The following DOCK5 variants were observed in gnomAD, a reference collection of about 807,000 sequenced individuals.
The protein encoded by DOCK5 is dedicator of cytokinesis 5, also known as dedicator of cytokinesis protein 5.
In DOCK5, 142 loss-of-function variants were observed where a neutral mutation model predicts 251.8. The ratio of observed to expected loss-of-function variants is 0.56; its 90% confidence interval spans 0.49 to 0.65. DOCK5 has a LOEUF of 0.65. Ranked by LOEUF, DOCK5 falls within the 30% of genes least tolerant of loss-of-function variation. The probability of loss-of-function intolerance (pLI) is 0.00; values close to 1 mark genes in which losing one functional copy is unlikely to be tolerated. For missense variants in DOCK5, 2,111 were observed against 2,312.3 expected, an observed-to-expected ratio of 0.91 and a Z score of 1.79; for synonymous variants, 842 against 835.5, an observed-to-expected ratio of 1.01 and a Z score of -0.13.
chr8:25,216,148 A>G (rs1230217694), intron 1 of DOCK5, among the ~76,000 whole-genome samples: 1 of 150,770 alleles, frequency 6.6e-6, no homozygotes, highest in African/African-American at 2.4e-5. Context: ...ATACGTGTAT[A>G]CAATATGTAT....
chr8:25,336,996 T>G (rs1242369360), intron 22 of DOCK5, among the ~76,000 whole-genome samples: 3 of 152,316 alleles, frequency 2.0e-5, no homozygotes, highest in African/African-American at 7.2e-5. Flanking sequence ...GCATATGTAT[T>G]TTTAAAAGAA....
rs536608191 is a variant in DOCK5, at chr8:25,313,398, A to G, written c.1318+2866A>G. 3.3e-5 allele frequency among the ~76,000 whole-genome samples: 5 copies of G among 152,260 alleles called. No homozygotes were observed. The South Asian group carries it at 1.0e-3, about 32-fold the overall frequency. ...CGATCAACTCTGACCTCTCAGCAGC[A>G]TCTGACATTGTTGAAATATTTCCTT... is the stretch of plus-strand genomic sequence containing the variant. On this transcript the variant is annotated intron_variant, in intron 13 of 51. Transcript: ENST00000276440.
At chr8:25,347,028 C>T (rs1800383696) in intron 26 of DOCK5, among the ~76,000 whole-genome samples, 1 of 152,176 alleles carries the variant, frequency 6.6e-6, no homozygotes, top group Non-Finnish European at 1.5e-5. Context: ...GGTTTCATGG[C>T]ACAGGTGTTC....
rs534642232 is a variant in DOCK5 at position 25,251,132 on chromosome 8, C to T, written c.127+7375C>T. 2.6e-5 allele frequency among the ~76,000 whole-genome samples: 4 copies of T among 152,262 alleles called. No homozygotes were observed. The East Asian group carries it at 7.7e-4, about 29-fold the overall frequency. On this transcript the variant is annotated intron_variant, in intron 2 of 51. Transcript: ENST00000276440. ...CTGGTTTCCTGTGTTTAATTCATAT[C>T]CATCGATTAACTCTTTTTCTGCTCC...
At chr8:25,286,740 T>C (rs1482387239) in intron 5 of DOCK5, among the ~76,000 whole-genome samples, 1 of 152,108 alleles carries the variant, frequency 6.6e-6, no homozygotes, top group Non-Finnish European at 1.5e-5. Flanking sequence ...CACAGTTCAC[T>C]GGTGCCTCAA....
At chr8:25,336,844 A>G (rs1411751319) in intron 22 of DOCK5, among the ~76,000 whole-genome samples, 1 of 152,226 alleles carries the variant, frequency 6.6e-6, no homozygotes, top group East Asian at 1.9e-4. Flanking sequence ...TTCCATCAAA[A>G]ACAGAAGAAA....
intron 40 of DOCK5, among the ~76,000 whole-genome samples, chr8:25,383,328 C>T (rs1295091238): frequency 1.3e-5 from 2 of 152,172 alleles, no homozygotes; most frequent in Non-Finnish European, 2.9e-5. Flanking sequence ...TATCCATCTG[C>T]TTTCTCCTAA....
chr8:25,395,515 T>C, intron 44 of DOCK5, 28 bp from the exon 45 acceptor site: 1 of 1,590,990 alleles, frequency 6.3e-7, no homozygotes, highest in South Asian at 1.2e-5. Flanking sequence ...ACAAGTGTCC[T>C]CTTTCTCCCA....
intron 27 of DOCK5, among the ~76,000 whole-genome samples, chr8:25,358,065 A>G (rs913826287): frequency 7.2e-5 from 11 of 152,182 alleles, no homozygotes; most frequent in Non-Finnish European, 1.5e-4. Context: ...CAACTGGCTG[A>G]AGGGCTCTGG....
chr8:25,290,258 GGAA>G (rs1804452810), intron 5 of DOCK5, among the ~76,000 whole-genome samples: 1 of 152,038 alleles, frequency 6.6e-6, no homozygotes, highest in Non-Finnish European at 1.5e-5. Context: ...AGGCCACATT[GGAA>G]GAAGAATTGT....
chr8:25,354,163 C>T (rs1800524838), intron 27 of DOCK5, among the ~76,000 whole-genome samples: 1 of 148,442 alleles, frequency 6.7e-6, no homozygotes, highest in Non-Finnish European at 1.5e-5. Context: ...TTATAATTTA[C>T]TGAAATTACT....
chr8:25,344,223 G>T (rs1192517421), intron 25 of DOCK5, among the ~76,000 whole-genome samples: 1 of 152,214 alleles, frequency 6.6e-6, no homozygotes, highest in African/African-American at 2.4e-5. Flanking sequence ...TTTTCATTTT[G>T]TAAGTAGAGT....
intron 10 of DOCK5, among the ~76,000 whole-genome samples, chr8:25,303,236 C>T (rs947691070): frequency 8.5e-5 from 13 of 152,168 alleles, no homozygotes; most frequent in African/African-American, 3.1e-4. Flanking sequence ...TGCATGGGTT[C>T]TGTGTCCTCA....
intron 1 of DOCK5, among the ~76,000 whole-genome samples, chr8:25,210,623 G>A (rs143780554): frequency 0.012 from 836 of 70,306 alleles, 351 homozygotes; most frequent in Non-Finnish European, 0.027. Context: ...AATTAGCCAA[G>A]TGTGGTGACA....
rs969324157 is a variant in DOCK5, at chr8:25,412,885, G to A, written c.*1587G>A. The A allele has an allele frequency of 6.6e-6, 1 of 152,226 alleles. No individual in the cohort carries two copies. Among genetic ancestry groups the A allele is most frequent in the African/African-American group, 2.4e-5 (1 of 41,438 alleles). The allele number at this position is 152,226 out of a possible 1,614,324, so 9.4% of individuals were successfully genotyped here. A position where few individuals can be genotyped will look rare whatever the true frequency, so the allele number is the denominator to read the frequency against. On this transcript the variant is annotated 3_prime_UTR_variant, in exon 52 of 52. Coordinates refer to ENST00000276440, the MANE Select transcript of DOCK5 (RefSeq NM_024940.8). ...GTCAGGGAAGCAAAAGCTCTCAGATGTGTCCAGGGCGTTACTTAAGAAATG... is the reference window on the plus strand; with the variant it reads ...GTCAGGGAAGCAAAAGCTCTCAGATATGTCCAGGGCGTTACTTAAGAAATG...
rs183250631 is a variant in DOCK5 at position 25,215,706 on chromosome 8, T to C, written c.44-27968T>C. On this transcript the variant is annotated intron_variant, in intron 1 of 51. Transcript: ENST00000276440. The stretch of plus-strand genomic sequence containing the variant: ...GTATGATTAGAACACATCTCTTTTT[T>C]TTCACCTTTAAATATAAAAAAGGCT... 5.1e-4 allele frequency among the ~76,000 whole-genome samples: 78 copies of C among 152,246 alleles called. 1 individual carries two copies. In the East Asian group the frequency reaches 0.015, roughly 29 times the overall value.
intron 29 of DOCK5, 35 bp from the exon 30 acceptor site, chr8:25,364,591 A>G: frequency 6.7e-7 from 1 of 1,495,784 alleles, no homozygotes; most frequent in Non-Finnish European, 9.2e-7. Flanking sequence ...AAGGACATAC[A>G]GTTGGCTTCT....
intron 13 of DOCK5, among the ~76,000 whole-genome samples, chr8:25,314,104 C>A (rs2117188222): frequency 9.6e-6 from 1 of 103,672 alleles, no homozygotes; most frequent in African/African-American, 3.5e-5. Context: ...CTCAGGACTC[C>A]CCTCTTTTTT....
chr8:25,190,120 C>A (rs987743666), intron 1 of DOCK5, among the ~76,000 whole-genome samples: 1 of 152,192 alleles, frequency 6.6e-6, no homozygotes, highest in African/African-American at 2.4e-5. Context: ...CTCCTGACTT[C>A]ATGTGATGTG....
Sources: allele counts gnomAD v4.1 joint callset (sites outside exome capture counted in the v4.1 genomes callset), GRCh38; gene constraint gnomAD v4.1.1; transcripts MANE v1.5; gene names NCBI Gene and HGNC (gene_info 2026-07-23, HGNC 2026-07-21).